GLIS3: variants seen among roughly 807,000 people sequenced by gnomAD.
The protein encoded by GLIS3 is zinc finger protein GLIS3.
Under a neutral mutation model 78.6 loss-of-function variants are expected in GLIS3, and 53 were observed. That is an observed-to-expected ratio of 0.67 (90% CI 0.54 to 0.85). The LOEUF is 0.85. Among genes scored for constraint, GLIS3 ranks in the 40% least tolerant of loss-of-function variants. The pLI, the probability that GLIS3 is intolerant of heterozygous loss-of-function variation, is 0.00. For missense variants in GLIS3, 1,703 were observed against 1,231.1 expected (o/e 1.38, Z -5.74); for synonymous variants, 684 against 509.9 (o/e 1.34, Z -4.60).
At chr9:4,434,070 T>G in the GLIS3 span, among the ~76,000 whole-genome samples, 1 of 135,512 alleles carries the variant, frequency 7.4e-6, no homozygotes, top group South Asian at 2.3e-4. Context: ...CACTCCAGCC[T>G]GGTGACAGAG....
chr9:3,830,572 C>T (rs1277269828), intron 9 of GLIS3, among the ~76,000 whole-genome samples: 1 of 152,092 alleles, frequency 6.6e-6, no homozygotes, highest in East Asian at 1.9e-4. Flanking sequence ...TTATAAGTGT[C>T]AGTTATTATT....
the GLIS3 span, among the ~76,000 whole-genome samples, chr9:4,391,612 C>A: frequency 2.6e-5 from 4 of 151,190 alleles, no homozygotes; most frequent in Admixed American, 2.6e-4. Flanking sequence ...TCAGTTTATT[C>A]TACCAGATAT....
upstream of GLIS3, among the ~76,000 whole-genome samples, chr9:4,353,149 C>T (rs1587400540): frequency 6.6e-6 from 1 of 152,258 alleles, no homozygotes. Context: ...TGCTCTGAGA[C>T]TCTGAGAAGT....
At chr9:4,210,706 TCGTCCAAGGAA>T (rs936568170) in intron 2 of GLIS3, among the ~76,000 whole-genome samples, 7 of 152,252 alleles carry the variant, frequency 4.6e-5, no homozygotes, top group African/African-American at 1.4e-4. Context: ...CTTATCCTGC[TCGTCCAAGGAA>T]GCAGGGTACC....
intron 2 of GLIS3, among the ~76,000 whole-genome samples, chr9:4,340,626 T>A (rs1297035487): frequency 6.6e-6 from 1 of 152,174 alleles, no homozygotes; most frequent in Non-Finnish European, 1.5e-5. Context: ...TCCACGCTAT[T>A]AACCACCATG....
rs142737678 is a variant in GLIS3, at chr9:4,331,662, T to C, written n.264+15419A>G. ...CCAATTACACAATGATGATAGAGTA[T>C]GATGGGTTATGACGAAGAAATATGA... On this transcript the variant is annotated intron_variant and non_coding_transcript_variant, in intron 2 of 4. Coordinates refer to the GLIS3 transcript ENST00000471664. Among the ~76,000 whole-genome samples, 20 of 152,266 alleles carry C rather than the reference T, an allele frequency of 1.3e-4. No individual in the cohort carries two copies. The East Asian group carries it at 3.9e-3, about 29-fold the overall frequency.
chr9:3,846,161 G>A (rs1819026447), intron 9 of GLIS3, among the ~76,000 whole-genome samples: 1 of 152,210 alleles, frequency 6.6e-6, no homozygotes, highest in African/African-American at 2.4e-5. Context: ...TCTACTGACA[G>A]CAGAATGTTA....
intron 4 of GLIS3, among the ~76,000 whole-genome samples, chr9:4,002,876 C>T (rs895006358): frequency 6.6e-6 from 1 of 152,196 alleles, no homozygotes; most frequent in Non-Finnish European, 1.5e-5. Flanking sequence ...ATGGTTAGAA[C>T]TGCAATAGCT....
At chr9:4,065,565 A>C (rs1274425329) in intron 4 of GLIS3, among the ~76,000 whole-genome samples, 1 of 152,228 alleles carries the variant, frequency 6.6e-6, no homozygotes, top group Non-Finnish European at 1.5e-5. Context: ...ATGTTCTACC[A>C]ATTAGCAAAC....
At chr9:4,052,650 G>A (rs1825823648) in intron 4 of GLIS3, among the ~76,000 whole-genome samples, 1 of 152,158 alleles carries the variant, frequency 6.6e-6, no homozygotes, top group African/African-American at 2.4e-5. Context: ...CATCAATGTT[G>A]CAGCATGTAT....
At chr9:4,352,498 G>A (rs1168113641), upstream of GLIS3, among the ~76,000 whole-genome samples, 1 of 152,274 alleles carries the variant, frequency 6.6e-6, no homozygotes, top group East Asian at 1.9e-4. Context: ...GGCCTTCCCT[G>A]ATTCCCAGGA....
rs1056514691 is a variant in GLIS3 at position 4,001,609 on chromosome 9, T to C, written c.1711-64420A>G. On this transcript the variant is annotated intron_variant, in intron 4 of 10. Transcript: ENST00000381971. ...TTCATTTTCTTTAAAAGGAAAAAAA[T>C]TCCCAAGGAAGATTTCAAATTAAGC... Among the ~76,000 whole-genome samples the C allele has an allele frequency of 2.0e-5, 3 of 152,218 alleles. No individual in the cohort carries two copies. The South Asian group carries it at 6.2e-4, about 31-fold the overall frequency.
chr9:4,398,251 G>T, the GLIS3 span, among the ~76,000 whole-genome samples: 1 of 151,720 alleles, frequency 6.6e-6, no homozygotes, highest in East Asian at 1.9e-4. Context: ...ATAAGAAGTA[G>T]CATAAGTGGT....
chr9:4,437,026 G>A, the GLIS3 span, among the ~76,000 whole-genome samples: 13 of 152,050 alleles, frequency 8.5e-5, no homozygotes, highest in African/African-American at 3.1e-4. Flanking sequence ...AAGGTATCTT[G>A]AGCTGGAGAA....
chr9:4,470,570 C>A, the GLIS3 span, among the ~76,000 whole-genome samples: 2 of 152,222 alleles, frequency 1.3e-5, no homozygotes, highest in African/African-American at 4.8e-5. Context: ...ATGCTAAAAA[C>A]TCTCAATAAA....
chr9:4,076,616 T>C lies in GLIS3; in HGVS notation c.1710+41152A>G, dbSNP rs117234615. Among the ~76,000 whole-genome samples the C allele has an allele frequency of 2.3e-3, 352 of 152,332 alleles. 1 individual carries two copies. Among genetic ancestry groups the C allele is most frequent in the Non-Finnish European group, 4.3e-3 (295 of 68,030 alleles). On this transcript the variant is annotated intron_variant, in intron 4 of 10. Transcript: ENST00000381971. ...CCTCAAAATAGCCACCAACCATATG[T>C]TGGATATTTATCTGTAGTACACATC...
At chr9:4,485,808 C>T in the GLIS3 span, among the ~76,000 whole-genome samples, 1 of 151,814 alleles carries the variant, frequency 6.6e-6, no homozygotes, top group Non-Finnish European at 1.5e-5. Flanking sequence ...GCGACCTCCG[C>T]CTCCCCAGAT....
the GLIS3 span, among the ~76,000 whole-genome samples, chr9:4,458,996 GA>G: frequency 3.3e-5 from 5 of 152,118 alleles, no homozygotes; most frequent in Admixed American, 6.5e-5. Context: ...ATGGATCCAA[GA>G]TTGTCATTAG....
intron 8 of GLIS3, among the ~76,000 whole-genome samples, chr9:3,873,456 G>A (rs1019465203): frequency 6.6e-6 from 1 of 151,822 alleles, no homozygotes. Flanking sequence ...CAAGAGAATG[G>A]GCGCAAAAAA....
Sources: allele counts gnomAD v4.1 joint callset (sites outside exome capture counted in the v4.1 genomes callset), GRCh38; gene constraint gnomAD v4.1.1; transcripts MANE v1.5; gene names NCBI Gene and HGNC (gene_info 2026-07-23, HGNC 2026-07-21).